Variants in PDE9A observed in about 807,000 individuals in gnomAD.
The protein encoded by PDE9A is high affinity cGMP-specific 3',5'-cyclic phosphodiesterase 9A.
In PDE9A, 60 loss-of-function variants were observed where a neutral mutation model predicts 87.4. The ratio of observed to expected loss-of-function variants is 0.69; its 90% confidence interval spans 0.56 to 0.85. The LOEUF (loss-of-function observed/expected upper bound fraction) is 0.85. PDE9A is among the 40% of genes least tolerant of loss of function. The pLI, the probability that PDE9A is intolerant of heterozygous loss-of-function variation, is 0.00. For synonymous variants in PDE9A, 272 were observed against 279.4 expected (o/e 0.97, Z 0.27); for missense variants, 665 against 779.0 (o/e 0.85, Z 1.74).
chr21:42,704,175 C>T lies in PDE9A; in HGVS notation c.262+5164C>T, dbSNP rs1476386150. Among the ~76,000 whole-genome samples, 1 of 152,194 alleles carries T rather than the reference C, an allele frequency of 6.6e-6. No homozygotes were observed. ...GAGGATGAGCGGCCACACGGAAGGCCAGGCTGGGTGTCCCTCCGGGCCAGC... is the reference window on the plus strand; with the variant it reads ...GAGGATGAGCGGCCACACGGAAGGCTAGGCTGGGTGTCCCTCCGGGCCAGC... On this transcript the variant is annotated intron_variant, in intron 4 of 19. Coordinates refer to ENST00000291539, the MANE Select transcript of PDE9A (RefSeq NM_002606.3). This position sits in a 1 kb window ranked among gnomAD's most constrained non-coding sequence, Gnocchi z 5.3.
chr21:42,699,106 T>C, intron 4 of PDE9A, 95 bp downstream of exon 4: 1 of 797,872 alleles, frequency 1.3e-6, no homozygotes, highest in African/African-American at 1.7e-5. Flanking sequence ...AGCATTTGAA[T>C]CTAAGCATTT....
At chr21:42,673,221 G>C (rs1033735953) in intron 1 of PDE9A, among the ~76,000 whole-genome samples, 6 of 152,180 alleles carry the variant, frequency 3.9e-5, no homozygotes, top group Admixed American at 3.9e-4. Context: ...GACTGGAACT[G>C]AACTCACATC....
At chr21:42,661,889 G>A (rs1364530221) in intron 1 of PDE9A, among the ~76,000 whole-genome samples, 1 of 152,192 alleles carries the variant, frequency 6.6e-6, no homozygotes, top group Admixed American at 6.5e-5. Flanking sequence ...GCTGCCCAGG[G>A]AAGACAGATG....
At chr21:42,666,952 A>G (rs1034825381) in intron 1 of PDE9A, among the ~76,000 whole-genome samples, 3 of 152,214 alleles carry the variant, frequency 2.0e-5, no homozygotes, top group Non-Finnish European at 4.4e-5. Flanking sequence ...GAAAGGCGGC[A>G]CCAAGGTCCC....
chr21:42,657,982 C>T lies in PDE9A; in HGVS notation c.69+4099C>T, dbSNP rs190728585. Among the ~76,000 whole-genome samples the T allele has an allele frequency of 8.5e-5, 13 of 152,366 alleles. No individual in the cohort carries two copies. In the East Asian group the frequency reaches 2.1e-3, roughly 25 times the overall value. On this transcript the variant is annotated intron_variant, in intron 1 of 19. Transcript: ENST00000291539. ...ATGCGCACAGCCCAAAGGGAGGAGC[C>T]GCGCTAGAAAGTGTTCAAGCGTCCG...
chr21:42,750,012 C>T (rs893805150), intron 8 of PDE9A, among the ~76,000 whole-genome samples: 2 of 152,286 alleles, frequency 1.3e-5, no homozygotes, highest in Admixed American at 6.5e-5. Context: ...GCAGCATGCA[C>T]CTGTAATCCC....
intron 4 of PDE9A, among the ~76,000 whole-genome samples, chr21:42,718,180 C>G (rs376405195): frequency 6.6e-6 from 1 of 151,752 alleles, no homozygotes; most frequent in Non-Finnish European, 1.5e-5. Context: ...GGATTACAGG[C>G]GTGAGCCACT....
chr21:42,702,462 T>C lies in PDE9A; in HGVS notation c.262+3451T>C, dbSNP rs1289577884. On this transcript the variant is annotated intron_variant, in intron 4 of 19. Transcript: ENST00000291539. This position sits in a 1 kb window ranked among gnomAD's most constrained non-coding sequence, Gnocchi z 4.9. Reference sequence around the variant, plus strand: ...TCTCTGCCATATCCGAGTCTGTCTCTGTTGATTGATTTATCTCCTGGGTAT... The same window carrying C: ...TCTCTGCCATATCCGAGTCTGTCTCCGTTGATTGATTTATCTCCTGGGTAT... 6.6e-6 allele frequency among the ~76,000 whole-genome samples: 1 copy of C among 152,242 alleles called. No homozygotes were observed. Among genetic ancestry groups the C allele is most frequent in the Non-Finnish European group, 1.5e-5 (1 of 68,046 alleles).
intron 4 of PDE9A, among the ~76,000 whole-genome samples, chr21:42,721,562 C>A (rs1490572700): frequency 1.3e-5 from 2 of 152,142 alleles, no homozygotes; most frequent in Non-Finnish European, 2.9e-5. Context: ...AAATGTCGTC[C>A]TTGATCTGAA....
At chr21:42,754,452 C>T (rs183386548) in intron 10 of PDE9A, among the ~76,000 whole-genome samples, 241 of 152,338 alleles carry the variant, frequency 1.6e-3, no homozygotes, top group African/African-American at 4.3e-3. Flanking sequence ...GAAGGGGCTG[C>T]GGTCAGAGTG....
intron 4 of PDE9A, among the ~76,000 whole-genome samples, chr21:42,709,423 C>T (rs1267321324): frequency 1.3e-5 from 2 of 152,158 alleles, no homozygotes; most frequent in African/African-American, 4.8e-5. Context: ...TGTAACATCC[C>T]TGCATGTCCT....
intron 4 of PDE9A, among the ~76,000 whole-genome samples, chr21:42,714,219 G>A (rs1258648836): frequency 6.6e-6 from 1 of 151,928 alleles, no homozygotes; most frequent in East Asian, 1.9e-4. Flanking sequence ...GGGTTTCACT[G>A]CATTAGCCAG....
At chr21:42,703,663 G>T (rs979256973) in intron 4 of PDE9A, among the ~76,000 whole-genome samples, 1 of 152,126 alleles carries the variant, frequency 6.6e-6, no homozygotes, top group Admixed American at 6.5e-5. Context: ...AAGGAAGTTG[G>T]AACCAGCTGT....
At chr21:42,725,794 G>A (rs1197245883) in intron 4 of PDE9A, among the ~76,000 whole-genome samples, 1 of 152,128 alleles carries the variant, frequency 6.6e-6, no homozygotes, top group African/African-American at 2.4e-5. Context: ...AAATACATCC[G>A]CCAGGAACAT....
chr21:42,676,366 C>T (rs1012637236), intron 1 of PDE9A, among the ~76,000 whole-genome samples: 9 of 152,210 alleles, frequency 5.9e-5, no homozygotes, highest in East Asian at 1.9e-4. Context: ...ATTCCATCGC[C>T]GCAAGGCTGC....
At chr21:42,742,071 A>T (rs1255457864) in intron 7 of PDE9A, among the ~76,000 whole-genome samples, 1 of 152,190 alleles carries the variant, frequency 6.6e-6, no homozygotes, top group African/African-American at 2.4e-5. Flanking sequence ...TCTGGGGTAA[A>T]CGTGCAGTCA....
intron 1 of PDE9A, among the ~76,000 whole-genome samples, chr21:42,657,299 T>C (rs1335505147): frequency 1.3e-5 from 2 of 152,176 alleles, no homozygotes; most frequent in African/African-American, 4.8e-5. Context: ...GACTTGGCAC[T>C]TCCCCAGCAC....
chr21:42,736,057 C>T (rs188159367), intron 7 of PDE9A, among the ~76,000 whole-genome samples: 2 of 152,118 alleles, frequency 1.3e-5, no homozygotes, highest in South Asian at 2.1e-4. Context: ...CAGATGCCCG[C>T]GGGCAGCAGG....
intron 4 of PDE9A, among the ~76,000 whole-genome samples, chr21:42,708,610 A>G (rs1171814280): frequency 6.6e-6 from 1 of 152,178 alleles, no homozygotes; most frequent in Non-Finnish European, 1.5e-5. Context: ...GCTGGAGTGC[A>G]GTGGCGCGAT....
Sources: allele counts gnomAD v4.1 joint callset (sites outside exome capture counted in the v4.1 genomes callset), GRCh38; gene constraint gnomAD v4.1.1; non-coding constraint Gnocchi (gnomAD v3.1); transcripts MANE v1.5; gene names NCBI Gene and HGNC (gene_info 2026-07-23, HGNC 2026-07-21).